Variants in RBFOX2 observed in about 807,000 individuals in gnomAD.
RBFOX2 encodes the protein RNA binding fox-1 homolog 2, also known as RNA binding protein fox-1 homolog 2.
RBFOX2 carries 10 observed loss-of-function variants against 49.1 expected under a neutral mutation model. That is an observed-to-expected ratio of 0.20 (90% CI 0.13 to 0.35). RBFOX2 has a LOEUF of 0.35. Among genes scored for constraint, RBFOX2 ranks in the 10% least tolerant of loss-of-function variants. RBFOX2 has a pLI of 1.00. For missense variants in RBFOX2, 323 were observed against 486.9 expected, an observed-to-expected ratio of 0.66 and a Z score of 3.17; for synonymous variants, 183 against 187.4, an observed-to-expected ratio of 0.98 and a Z score of 0.19.
intron 1 of RBFOX2, among the ~76,000 whole-genome samples, chr22:35,959,909 C>T (rs1162137060): frequency 6.6e-6 from 1 of 152,142 alleles, no homozygotes; most frequent in Non-Finnish European, 1.5e-5. Context: ...CTATGTATAT[C>T]CTCCCAGAGA....
intron 1 of RBFOX2, among the ~76,000 whole-genome samples, chr22:35,984,170 T>A (rs763542573): frequency 7.2e-5 from 11 of 152,200 alleles, no homozygotes; most frequent in African/African-American, 2.7e-4. Context: ...CCTTACTGCA[T>A]ACTAGCATCA....
At chr22:35,856,653 G>T (rs1302336903) in intron 1 of RBFOX2, among the ~76,000 whole-genome samples, 1 of 150,972 alleles carries the variant, frequency 6.6e-6, no homozygotes, top group South Asian at 2.1e-4. Context: ...AAGAGCAAAA[G>T]AGCTAGGGCT....
intron 1 of RBFOX2, among the ~76,000 whole-genome samples, chr22:35,875,702 AG>A (rs1418664952): frequency 2.0e-5 from 3 of 150,808 alleles, no homozygotes; most frequent in Non-Finnish European, 4.4e-5. Context: ...CAGACTACCC[AG>A]ACTACCACAC....
chr22:35,857,113 T>G (rs1461655200), intron 1 of RBFOX2, among the ~76,000 whole-genome samples: 3 of 152,124 alleles, frequency 2.0e-5, no homozygotes, highest in African/African-American at 4.8e-5. Context: ...TATGGGTAGG[T>G]GGTGGCAAAT....
intron 1 of RBFOX2, among the ~76,000 whole-genome samples, chr22:35,958,793 T>C (rs191441422): frequency 6.6e-6 from 1 of 152,170 alleles, no homozygotes; most frequent in Non-Finnish European, 1.5e-5. Flanking sequence ...TTTAAACAAA[T>C]GGTCAACTAT....
chr22:36,009,314 T>A (rs2058727515), intron 1 of RBFOX2, among the ~76,000 whole-genome samples: 1 of 152,202 alleles, frequency 6.6e-6, no homozygotes, highest in Non-Finnish European at 1.5e-5. Flanking sequence ...AGGGGCTAAG[T>A]AACTTGCCTA....
At chr22:35,837,352 T>A (rs780024037) in intron 1 of RBFOX2, among the ~76,000 whole-genome samples, 1 of 152,100 alleles carries the variant, frequency 6.6e-6, no homozygotes, top group Non-Finnish European at 1.5e-5. Flanking sequence ...TGAAAACACA[T>A]CCATACATCG....
At chr22:35,922,554 A>C (rs1188725333) in intron 1 of RBFOX2, among the ~76,000 whole-genome samples, 2 of 152,110 alleles carry the variant, frequency 1.3e-5, no homozygotes, top group African/African-American at 4.8e-5. Flanking sequence ...ACTGGGTGAC[A>C]GAGCTAGACT....
chr22:35,833,912 T>C (rs567230829), intron 1 of RBFOX2, among the ~76,000 whole-genome samples: 1 of 152,174 alleles, frequency 6.6e-6, no homozygotes, highest in Admixed American at 6.5e-5. Flanking sequence ...TTAGATAATA[T>C]TAATATTTTT....
chr22:35,939,028 C>T (rs1377938513), upstream of RBFOX2: 7 of 864,322 alleles, frequency 8.1e-6, no homozygotes, highest in African/African-American at 6.6e-5. Context: ...CTGTATTCCA[C>T]CCTACCTAAG....
In RBFOX2 at chr22:35,781,760, T is replaced by C; in HGVS notation, c.253-14A>G. ...ACCTTCTGTCTGCTAAGCAAAGAAA[T>C]AAAGAATGAAAAATATACACAATTA... On this transcript the variant is annotated splice_polypyrimidine_tract_variant and intron_variant, in intron 2 of 11. Transcript: ENST00000405409. The C allele has an allele frequency of 6.2e-7, 1 of 1,613,528 alleles. No homozygotes were observed. The highest frequency in any genetic ancestry group is 8.5e-7 in the Non-Finnish European group (1 of 1,179,872).
chr22:35,916,071 C>A (rs577718841), intron 1 of RBFOX2, among the ~76,000 whole-genome samples: 54 of 152,332 alleles, frequency 3.5e-4, no homozygotes, highest in African/African-American at 1.2e-3. Context: ...AGTGACTTAG[C>A]TCTCTTTCAC....
rs553314741 is a variant in RBFOX2, at chr22:35,781,615, G to A, written c.384C>T (p.Leu128=). 76 of 1,613,842 alleles carry A rather than the reference G, an allele frequency of 4.7e-5. 2 individuals are homozygous for A. The South Asian group carries it at 8.1e-4, about 17-fold the overall frequency. Reference sequence around the variant, plus strand: ...AGAGACTTACCCCAAACATCTGCCGGAGGTCAGGGTCCCGGAAGCGGAAAG... The same window carrying A: ...AGAGACTTACCCCAAACATCTGCCGAAGGTCAGGGTCCCGGAAGCGGAAAG... The change falls in exon 3 of 12, where the codon CTC becomes CTT. Residue 128 remains leucine (L), a synonymous_variant. Transcript: ENST00000405409.
chr22:35,770,119 A>G (rs1942245529), intron 4 of RBFOX2, among the ~76,000 whole-genome samples: 1 of 152,034 alleles, frequency 6.6e-6, no homozygotes. Context: ...AAAAGGGCAC[A>G]TTAATAATTA....
intron 2 of RBFOX2, among the ~76,000 whole-genome samples, chr22:35,806,912 C>A (rs1950850087): frequency 6.6e-6 from 1 of 152,156 alleles, no homozygotes; most frequent in African/African-American, 2.4e-5. Context: ...TCAAGCGATT[C>A]TCCTACCTCA....
At chr22:35,822,535 C>T (rs1215419881) in intron 1 of RBFOX2, among the ~76,000 whole-genome samples, 1 of 152,108 alleles carries the variant, frequency 6.6e-6, no homozygotes, top group Non-Finnish European at 1.5e-5. Context: ...GACTTGTTAG[C>T]TAGTATGAGT....
rs531991332 is a variant in RBFOX2, at chr22:35,837,548, C to T, written c.27+2644G>A. Among the ~76,000 whole-genome samples the T allele has an allele frequency of 1.6e-4, 25 of 152,126 alleles. No individual in the cohort carries two copies. In the East Asian group the frequency reaches 4.6e-3, roughly 28 times the overall value. On this transcript the variant is annotated intron_variant, in intron 1 of 11. Coordinates refer to ENST00000405409, the Ensembl canonical transcript of RBFOX2. ...ACACGCAGGCACAACACAACACAAC[C>T]ACAGGACAAATGAAAGACTTGGCCC... is the stretch of plus-strand genomic sequence containing the variant.
At chr22:35,849,477 C>A (rs560128934) in intron 1 of RBFOX2, among the ~76,000 whole-genome samples, 1 of 152,182 alleles carries the variant, frequency 6.6e-6, no homozygotes, top group Admixed American at 6.5e-5. Flanking sequence ...TGAATGGTAC[C>A]GGGTCAAAAG....
At chr22:35,997,932 G>C (rs539362141) in intron 1 of RBFOX2, 1 of 152,304 alleles carries the variant, frequency 6.6e-6, no homozygotes, top group African/African-American at 2.4e-5. Context: ...AGCCTGAGAA[G>C]TCAAGGCTGC....
Sources: allele counts gnomAD v4.1 joint callset (sites outside exome capture counted in the v4.1 genomes callset), GRCh38; gene constraint gnomAD v4.1.1; transcripts MANE v1.5; gene names NCBI Gene and HGNC (gene_info 2026-07-23, HGNC 2026-07-21).